Variants in NDST4 observed in about 807,000 individuals in gnomAD.
The protein encoded by NDST4 is N-heparan sulfate sulfotransferase 4.
A neutral mutation model predicts 100.8 loss-of-function variants in NDST4; 63 were observed. The observed-to-expected ratio is 0.62, with a 90% CI of 0.51 to 0.77. The LOEUF (loss-of-function observed/expected upper bound fraction) is 0.77, where lower values mean the gene tolerates loss of function less well. Among genes scored for constraint, NDST4 ranks in the 30% least tolerant of loss-of-function variants. NDST4 has a pLI of 0.00. For synonymous variants in NDST4, 377 were observed against 361.8 expected (o/e 1.04, Z -0.48); for missense variants, 943 against 1,018.4 (o/e 0.93, Z 1.01).
At chr4:114,907,394 G>A (rs749287788) in intron 6 of NDST4, among the ~76,000 whole-genome samples, 1 of 151,880 alleles carries the variant, frequency 6.6e-6, no homozygotes, top group Non-Finnish European at 1.5e-5. Context: ...TTAAAAATAC[G>A]GTAAATAATA....
intron 2 of NDST4, among the ~76,000 whole-genome samples, chr4:114,983,098 T>C (rs1726816236): frequency 6.6e-6 from 1 of 152,128 alleles, no homozygotes; most frequent in Admixed American, 6.5e-5. Context: ...TCAGGCAAAA[T>C]CTGCTGCAGG....
rs76052138 is a variant in NDST4 at position 115,003,322 on chromosome 4, G to A, written c.979-26048C>T. On this transcript the variant is annotated intron_variant, in intron 2 of 13. Transcript: ENST00000264363. ...TTGTCTTTGGCTACTACTGGCCATAGGAATTCACAGATTGTAGTGATAACA... is the reference window on the plus strand; with the variant it reads ...TTGTCTTTGGCTACTACTGGCCATAAGAATTCACAGATTGTAGTGATAACA... Among the ~76,000 whole-genome samples the A allele has an allele frequency of 5.6e-3, 845 of 152,242 alleles. 10 individuals carry two copies. Among genetic ancestry groups the A allele is most frequent in the African/African-American group, 0.02 (811 of 41,540 alleles).
At chr4:115,007,459 G>A (rs1271432767) in intron 2 of NDST4, among the ~76,000 whole-genome samples, 1 of 152,164 alleles carries the variant, frequency 6.6e-6, no homozygotes, top group Non-Finnish European at 1.5e-5. Flanking sequence ...ACCTTCAAGA[G>A]TAAACAGACA....
intron 1 of NDST4, among the ~76,000 whole-genome samples, chr4:115,085,972 T>C (rs1294164780): frequency 1.3e-5 from 2 of 152,212 alleles, no homozygotes; most frequent in Non-Finnish European, 2.9e-5. Context: ...TGCATGTGTG[T>C]GTATTTGGAT....
chr4:115,008,163 G>T (rs1453660962), intron 2 of NDST4, among the ~76,000 whole-genome samples: 1 of 129,394 alleles, frequency 7.7e-6, no homozygotes, highest in East Asian at 2.5e-4. Flanking sequence ...TATCCAATTT[G>T]CCGGTCTGTG....
intron 1 of NDST4, 108 bp downstream of exon 1, chr4:115,113,336 A>G (rs1299929370): frequency 6.6e-6 from 1 of 151,948 alleles, no homozygotes; most frequent in Non-Finnish European, 1.5e-5. Flanking sequence ...TTCTACATAA[A>G]TCTTTCACAA....
chr4:114,920,731 A>G (rs1027491315), intron 6 of NDST4, among the ~76,000 whole-genome samples: 5 of 152,146 alleles, frequency 3.3e-5, no homozygotes, highest in Non-Finnish European at 7.4e-5. Flanking sequence ...GTTTTAGTTA[A>G]TGTTCTCACA....
intron 4 of NDST4, among the ~76,000 whole-genome samples, chr4:114,968,502 T>A (rs1726434021): frequency 6.6e-6 from 1 of 152,150 alleles, no homozygotes; most frequent in Non-Finnish European, 1.5e-5. Flanking sequence ...CAAACTTTTT[T>A]TTGGTAAAGA....
At chr4:114,910,214 A>C (rs1725035956) in intron 6 of NDST4, among the ~76,000 whole-genome samples, 1 of 152,210 alleles carries the variant, frequency 6.6e-6, no homozygotes, top group East Asian at 1.9e-4. Context: ...TTGATGAAGG[A>C]ATAGGGGGAA....
chr4:115,057,698 G>A (rs1465807374), intron 2 of NDST4, among the ~76,000 whole-genome samples: 6 of 128,354 alleles, frequency 4.7e-5, no homozygotes, highest in South Asian at 2.6e-4. Context: ...CTATGCGTGC[G>A]CACGCACACA....
chr4:114,920,480 A>C (rs1191056684), intron 6 of NDST4, among the ~76,000 whole-genome samples: 1 of 152,198 alleles, frequency 6.6e-6, no homozygotes, highest in African/African-American at 2.4e-5. Flanking sequence ...CAGCTTCAAA[A>C]AGGAGTAAGA....
At chr4:114,936,990 C>G (rs749901397) in intron 5 of NDST4, among the ~76,000 whole-genome samples, 3 of 152,104 alleles carry the variant, frequency 2.0e-5, no homozygotes, top group Non-Finnish European at 4.4e-5. Context: ...ACCACCCAAC[C>G]AAATAGATAA....
intron 6 of NDST4, among the ~76,000 whole-genome samples, chr4:114,904,397 G>A (rs986588562): frequency 1.1e-4 from 16 of 151,718 alleles, no homozygotes; most frequent in Non-Finnish European, 2.2e-4. Context: ...AGAATTATAC[G>A]TTATTATTAG....
intron 12 of NDST4, among the ~76,000 whole-genome samples, 161 bp downstream of exon 12, chr4:114,833,445 A>C (rs535562118): frequency 6.6e-6 from 1 of 152,344 alleles, no homozygotes; most frequent in African/African-American, 2.4e-5. Context: ...TATTTAAAAG[A>C]GAAACACTAC....
At chr4:114,899,950 T>G (rs1471311226) in intron 6 of NDST4, among the ~76,000 whole-genome samples, 1 of 152,174 alleles carries the variant, frequency 6.6e-6, no homozygotes, top group Non-Finnish European at 1.5e-5. Flanking sequence ...AATTCACCAG[T>G]GAACCCACTT....
chr4:115,026,626 G>T (rs1727990666), intron 2 of NDST4, among the ~76,000 whole-genome samples: 1 of 150,550 alleles, frequency 6.6e-6, no homozygotes. Context: ...TTAAATTCCA[G>T]ATGTAGGAGA....
chr4:114,829,652 C>T, intron 13 of NDST4, 138 bp downstream of exon 13: 2 of 568,578 alleles, frequency 3.5e-6, no homozygotes, highest in Non-Finnish European at 6.1e-6. Context: ...TCAATTATCT[C>T]TATCATCCTC....
chr4:115,017,291 C>A (rs1443208321), intron 2 of NDST4, among the ~76,000 whole-genome samples: 1 of 151,990 alleles, frequency 6.6e-6, no homozygotes, highest in Non-Finnish European at 1.5e-5. Context: ...GCTAAGGATT[C>A]TCTTTAATTA....
chr4:114,993,434 G>A (rs1341400595), intron 2 of NDST4, among the ~76,000 whole-genome samples: 1 of 151,912 alleles, frequency 6.6e-6, no homozygotes, highest in African/African-American at 2.4e-5. Flanking sequence ...TATAGAGGTA[G>A]TGCTGGGTAC....
Sources: gnomAD v4.1 joint callset for allele counts (sites outside exome capture counted in the v4.1 genomes callset) on GRCh38, gnomAD v4.1.1 for gene constraint, MANE v1.5 for transcripts, NCBI Gene and HGNC (gene_info 2026-07-23, HGNC 2026-07-21) for gene names.